Variants in LAMA2 observed in about 807,000 individuals in gnomAD.
LAMA2 encodes laminin subunit alpha-2.
Under a neutral mutation model 364.8 loss-of-function variants are expected in LAMA2, and 269 were observed. That is an observed-to-expected ratio of 0.74 (90% CI 0.67 to 0.82). LAMA2 has a LOEUF of 0.82. Ranked by LOEUF, LAMA2 falls within the 40% of genes least tolerant of loss-of-function variation. The probability of loss-of-function intolerance (pLI) is 0.00; values close to 1 mark genes in which losing one functional copy is unlikely to be tolerated. For synonymous variants in LAMA2, 1,379 were observed against 1,370.6 expected (o/e 1.01, Z -0.14); for missense variants, 3,807 against 3,873.2 (o/e 0.98, Z 0.45).
At chr6:129,171,560 G>A (rs1038800408) in intron 9 of LAMA2, among the ~76,000 whole-genome samples, 29 of 151,866 alleles carry the variant, frequency 1.9e-4, no homozygotes, top group South Asian at 8.3e-4. Context: ...AGTCTGATGG[G>A]CTTCCCTTTG....
At chr6:129,453,771 A>G (rs1191944134) in intron 46 of LAMA2, among the ~76,000 whole-genome samples, 1 of 152,150 alleles carries the variant, frequency 6.6e-6, no homozygotes, top group Non-Finnish European at 1.5e-5. Context: ...GGGAAATAAA[A>G]TCATAGCTGC....
intron 1 of LAMA2, among the ~76,000 whole-genome samples, chr6:128,955,105 A>T (rs1029689229): frequency 3.3e-5 from 5 of 151,832 alleles, no homozygotes; most frequent in African/African-American, 1.2e-4. Flanking sequence ...AAAGAGGAAA[A>T]ATTCAATCCA....
At chr6:129,129,955 A>G (rs1777371848) in intron 4 of LAMA2, among the ~76,000 whole-genome samples, 1 of 150,534 alleles carries the variant, frequency 6.6e-6, no homozygotes, top group Non-Finnish European at 1.5e-5. Context: ...AACATATTTT[A>G]GAGACTCAGT....
chr6:129,337,595 G>T (rs979532676), intron 29 of LAMA2, among the ~76,000 whole-genome samples: 5 of 152,044 alleles, frequency 3.3e-5, no homozygotes, highest in African/African-American at 1.2e-4. Context: ...ATATCTCAAG[G>T]AAAGTATAGA....
chr6:128,944,653 G>GA (rs1319577293), intron 1 of LAMA2, among the ~76,000 whole-genome samples: 1 of 150,510 alleles, frequency 6.6e-6, no homozygotes, highest in Non-Finnish European at 1.5e-5. Flanking sequence ...AAAAAAAAAA[G>GA]AAGAAAGAAA....
At chr6:129,333,526 C>T (rs1775777253) in intron 29 of LAMA2, among the ~76,000 whole-genome samples, 1 of 152,032 alleles carries the variant, frequency 6.6e-6, no homozygotes, top group Non-Finnish European at 1.5e-5. Context: ...AAGAGGTGAT[C>T]ATATATAGGT....
chr6:129,283,909 C>G (rs1788911640), intron 18 of LAMA2, among the ~76,000 whole-genome samples: 1 of 151,856 alleles, frequency 6.6e-6, no homozygotes, highest in Admixed American at 6.6e-5. Context: ...GTACTGTTAG[C>G]AAAATTGTGA....
chr6:129,246,497 T>C (rs962772621), intron 12 of LAMA2, among the ~76,000 whole-genome samples: 5 of 152,192 alleles, frequency 3.3e-5, no homozygotes, highest in Non-Finnish European at 7.4e-5. Flanking sequence ...GGGGCACCTC[T>C]ACACACAGTT....
At chr6:128,900,776 A>G (rs1777039641) in intron 1 of LAMA2, among the ~76,000 whole-genome samples, 1 of 152,170 alleles carries the variant, frequency 6.6e-6, no homozygotes, top group Non-Finnish European at 1.5e-5. Flanking sequence ...TTGCCTCTTT[A>G]CTTTTTCCAA....
At chr6:129,063,758 C>A (rs1438689207) in intron 3 of LAMA2, among the ~76,000 whole-genome samples, 1 of 152,174 alleles carries the variant, frequency 6.6e-6, no homozygotes, top group Non-Finnish European at 1.5e-5. Context: ...ATTCACTGAT[C>A]TTGCAGAGAA....
At chr6:129,100,340 TG>T (rs1338177906) in intron 4 of LAMA2, among the ~76,000 whole-genome samples, 2 of 152,226 alleles carry the variant, frequency 1.3e-5, no homozygotes, top group African/African-American at 4.8e-5. Flanking sequence ...CTCTGTGACA[TG>T]TTTCCTTACG....
At chr6:129,217,079 C>T (rs1413357384) in intron 12 of LAMA2, among the ~76,000 whole-genome samples, 1 of 151,740 alleles carries the variant, frequency 6.6e-6, no homozygotes, top group Non-Finnish European at 1.5e-5. Context: ...ATCCCAGCTA[C>T]TTGGGAGGCT....
Position 129,473,306 on chromosome 6 carries a change from G to A in LAMA2, c.7393G>A (p.Asp2465Asn), listed in dbSNP as rs777360094. The stretch of plus-strand genomic sequence containing the variant: ...CAACTTTGGTCTTGACTTGAAAGCA[G>A]ATGACAAAATATATTTTGGTGGCCT... ...GNNFGLDLKA[D>N]DKIYFGGLPT... is the part of the protein sequence containing the mutation. The change falls in exon 52 of 65, where the codon GAT (aspartate) becomes AAT (asparagine). Residue 2465 changes from aspartate to asparagine, a missense_variant. Transcript: ENST00000421865. The A allele has an allele frequency of 3.7e-6, 6 of 1,612,484 alleles. No individual in the cohort carries two copies. In the East Asian group the frequency reaches 1.1e-4, roughly 30 times the overall value.
chr6:129,355,829 T>C (rs988779640), intron 32 of LAMA2, among the ~76,000 whole-genome samples: 1 of 152,162 alleles, frequency 6.6e-6, no homozygotes, highest in Non-Finnish European at 1.5e-5. Flanking sequence ...ATCCACATCA[T>C]GGATTTGTGT....
At chr6:129,152,736 A>T (rs1017171715) in intron 7 of LAMA2, among the ~76,000 whole-genome samples, 1 of 152,158 alleles carries the variant, frequency 6.6e-6, no homozygotes, top group Non-Finnish European at 1.5e-5. Context: ...TTGTCCTCCC[A>T]GTATGTGTGT....
chr6:129,389,161 C>G (rs1029489191), intron 35 of LAMA2, among the ~76,000 whole-genome samples: 1 of 152,184 alleles, frequency 6.6e-6, no homozygotes, highest in African/African-American at 2.4e-5. Flanking sequence ...GCCACCCTCA[C>G]TAACTTCTAG....
At chr6:129,202,858 A>G (rs1782393252) in intron 12 of LAMA2, among the ~76,000 whole-genome samples, 1 of 152,224 alleles carries the variant, frequency 6.6e-6, no homozygotes, top group Admixed American at 6.5e-5. Context: ...AGAAATGTAG[A>G]AAGTTCTTCA....
At chr6:128,894,360 G>C (rs867223532) in intron 1 of LAMA2, among the ~76,000 whole-genome samples, 1 of 152,070 alleles carries the variant, frequency 6.6e-6, no homozygotes, top group Non-Finnish European at 1.5e-5. Context: ...CTAAATATTA[G>C]AAGCTGTTAA....
At chr6:128,885,663 T>C (rs1776110649) in intron 1 of LAMA2, among the ~76,000 whole-genome samples, 1 of 152,202 alleles carries the variant, frequency 6.6e-6, no homozygotes, top group Non-Finnish European at 1.5e-5. Flanking sequence ...GCTAATTGTG[T>C]AGAAGTTCTA....
Sources: allele counts gnomAD v4.1 joint callset (sites outside exome capture counted in the v4.1 genomes callset), GRCh38; gene constraint gnomAD v4.1.1; transcripts MANE v1.5; gene names NCBI Gene and HGNC (gene_info 2026-07-23, HGNC 2026-07-21).